CCDC39: variants seen among roughly 807,000 people sequenced by gnomAD.
CCDC39 encodes coiled-coil domain-containing protein 39.
Under a neutral mutation model 121.0 loss-of-function variants are expected in CCDC39, and 113 were observed. The observed-to-expected ratio is 0.93, with a 90% CI of 0.80 to 1.09. The LOEUF is 1.09. CCDC39 is among the 50% of genes least tolerant of loss of function. The probability of loss-of-function intolerance (pLI) is 0.00; values close to 1 mark genes in which losing one functional copy is unlikely to be tolerated. For missense variants in CCDC39, 1,063 were observed against 1,074.7 expected (o/e 0.99, Z 0.15); for synonymous variants, 349 against 352.2 (o/e 0.99, Z 0.10).
At chr3:180,666,477 T>G (rs988663585) in intron 1 of CCDC39, among the ~76,000 whole-genome samples, 4 of 152,198 alleles carry the variant, frequency 2.6e-5, no homozygotes, top group African/African-American at 9.6e-5. Flanking sequence ...ATTAATGAAA[T>G]AGCTCACTGT....
At chr3:180,644,004 G>C in intron 12 of CCDC39, 116 bp downstream of exon 12, 1 of 739,992 alleles carries the variant, frequency 1.4e-6, no homozygotes, top group East Asian at 2.9e-5. Flanking sequence ...TTTATATTGG[G>C]TATAGTGATT....
intron 14 of CCDC39, 127 bp from the exon 15 acceptor site, chr3:180,620,097 T>C (rs2108406747): frequency 1.6e-6 from 1 of 611,224 alleles, no homozygotes. Flanking sequence ...GGCCTACATA[T>C]GGCACCAAGC....
chr3:180,651,776 G>A (rs541160013), intron 8 of CCDC39, among the ~76,000 whole-genome samples: 10 of 152,200 alleles, frequency 6.6e-5, no homozygotes, highest in Middle Eastern at 6.8e-3. Context: ...GGTGGCTCAC[G>A]CCTGTAATCC....
chr3:180,631,409 GA>G, intron 14 of CCDC39, 59 bp downstream of exon 14: 1 of 1,418,856 alleles, frequency 7.0e-7, no homozygotes, highest in Non-Finnish European at 9.7e-7. Context: ...AGAGGATTAT[GA>G]TGAATGAGTT....
intron 2 of CCDC39, among the ~76,000 whole-genome samples, chr3:180,662,763 T>C (rs888687483): frequency 3.3e-5 from 5 of 152,194 alleles, no homozygotes; most frequent in African/African-American, 7.2e-5. Flanking sequence ...TCTGAGTTTG[T>C]TTTTAAGTTT....
Position 180,679,305 on chromosome 3 carries a change from G to A in CCDC39, c.76C>T (p.Leu26=). ...ATTGATCTCACCTGATCTTCCAGTA[G>A]CTTGTTCTCCTCGTTCGCCACCGGG... is the stretch of plus-strand genomic sequence containing the variant. The part of the protein sequence containing the change: ...AIPVANEENK[L]LEDQLSKLKD... Residue 26 remains leucine, a synonymous_variant, in exon 1 of 20, where the codon CTA becomes TTA. Coordinates refer to ENST00000476379, the MANE Select transcript of CCDC39 (RefSeq NM_181426.2). The surrounding 1 kb of genome is among the most constrained non-coding windows in gnomAD (Gnocchi z 4.0). 6.2e-7 allele frequency: 1 copy of A among 1,613,730 alleles called. No homozygotes were observed. Among genetic ancestry groups the A allele is most frequent in the East Asian group, 2.2e-5 (1 of 44,876 alleles).
rs147008481 is a variant in CCDC39 at position 180,655,623 on chromosome 3, G to A, written c.739-670C>T. ...ACATTTGAGTCAGGCTTACAAACATGAATGGGGTTGCATAAATACTCTAAT... is the reference window on the plus strand; with the variant it reads ...ACATTTGAGTCAGGCTTACAAACATAAATGGGGTTGCATAAATACTCTAAT... On this transcript the variant is annotated intron_variant, in intron 6 of 19. Transcript: ENST00000476379. Among the ~76,000 whole-genome samples, 235 of 152,152 alleles carry A rather than the reference G, an allele frequency of 1.5e-3. 2 individuals carry two copies. Among genetic ancestry groups the A allele is most frequent in the African/African-American group, 5.4e-3 (224 of 41,526 alleles).
At chr3:180,671,754 T>A (rs1056927470) in intron 1 of CCDC39, among the ~76,000 whole-genome samples, 4 of 152,180 alleles carry the variant, frequency 2.6e-5, no homozygotes, top group Non-Finnish European at 5.9e-5. Context: ...GAAGGGCCCT[T>A]AACTTTCTTC....
rs1268582693 is a variant in CCDC39, at chr3:180,631,638, A to G, written c.1875-46T>C. On this transcript the variant is annotated intron_variant, in intron 13 of 19. Coordinates refer to ENST00000476379, the MANE Select transcript of CCDC39 (RefSeq NM_181426.2). ...TGAGAAATGAATAACATACTTTACA[A>G]TTTTTAAAGGACTATCAAGTGTTCT... is the stretch of plus-strand genomic sequence containing the variant. 2.0e-6 allele frequency: 3 copies of G among 1,517,798 alleles called. No homozygotes were observed. In the African/African-American group the frequency reaches 4.2e-5, roughly 21 times the overall value. 94.0% of individuals were successfully genotyped at this position (1,517,798 alleles called of 1,614,324 possible).
chr3:180,638,369 A>G (rs1717879928), intron 13 of CCDC39, among the ~76,000 whole-genome samples: 1 of 152,200 alleles, frequency 6.6e-6, no homozygotes, highest in Non-Finnish European at 1.5e-5. Context: ...TGTATTAAAC[A>G]TGCAAGGACT....
At chr3:180,624,507 C>G (rs977961536) in intron 14 of CCDC39, among the ~76,000 whole-genome samples, 5 of 151,896 alleles carry the variant, frequency 3.3e-5, no homozygotes, top group Non-Finnish European at 7.4e-5. Context: ...GTGTGGTCGT[C>G]TGTGTTTTGG....
chr3:180,660,518 A>C (rs1240035424), intron 4 of CCDC39, 52 bp downstream of exon 4: 7 of 1,438,142 alleles, frequency 4.9e-6, no homozygotes, highest in Non-Finnish European at 6.5e-6. Flanking sequence ...AAATAGGTTG[A>C]CATACTACAG....
chr3:180,647,315 G>C (rs1307247939), intron 10 of CCDC39, 72 bp from the exon 11 acceptor site: 12 of 1,316,358 alleles, frequency 9.1e-6, no homozygotes, highest in Non-Finnish European at 1.2e-5. Context: ...AAAACAAAGT[G>C]AATACTTTCT....
intron 1 of CCDC39, among the ~76,000 whole-genome samples, chr3:180,665,508 T>C (rs767043478): frequency 6.6e-6 from 1 of 152,158 alleles, no homozygotes; most frequent in African/African-American, 2.4e-5. Context: ...GTATGTCCTA[T>C]ACTAATATTA....
In CCDC39 at chr3:180,679,462, G is replaced by A; in HGVS notation, c.-82C>T. 1 of 1,306,026 alleles carries A rather than the reference G, an allele frequency of 7.7e-7. No individual in the cohort carries two copies. Among genetic ancestry groups the A allele is most frequent in the Non-Finnish European group, 1.1e-6 (1 of 900,158 alleles). 80.9% of individuals were successfully genotyped at this position (1,306,026 alleles called of 1,614,324 possible). On this transcript the variant is annotated 5_prime_UTR_variant, in exon 1 of 20. Transcript: ENST00000476379. The surrounding 1 kb of genome is among the most constrained non-coding windows in gnomAD (Gnocchi z 4.0). ...TGAGCAGCACCCGCGTCAAGCCCAG[G>A]CACCTGCACAGTGCCGCGGCAATTG...
At chr3:180,649,022 T>C (rs746395713) in intron 9 of CCDC39, among the ~76,000 whole-genome samples, 1 of 151,996 alleles carries the variant, frequency 6.6e-6, no homozygotes, top group Non-Finnish European at 1.5e-5. Flanking sequence ...AAGTAATGAG[T>C]GCTGAGTATG....
intron 1 of CCDC39, among the ~76,000 whole-genome samples, chr3:180,677,628 A>G (rs1005569276): frequency 1.3e-5 from 2 of 152,112 alleles, no homozygotes; most frequent in African/African-American, 4.8e-5. Context: ...TGATCAAGTA[A>G]TATTTACCTG....
chr3:180,642,891 T>C (rs1447259543), intron 12 of CCDC39, among the ~76,000 whole-genome samples: 1 of 151,918 alleles, frequency 6.6e-6, no homozygotes, highest in Non-Finnish European at 1.5e-5. Context: ...AAAAAAGTTT[T>C]GTGTCACAAA....
chr3:180,646,868 G>A (rs544867915), intron 11 of CCDC39, among the ~76,000 whole-genome samples: 1 of 152,008 alleles, frequency 6.6e-6, no homozygotes, highest in Non-Finnish European at 1.5e-5. Context: ...AAATACTAGA[G>A]GCATGTCATA....
Sources: gnomAD v4.1 joint callset for allele counts (sites outside exome capture counted in the v4.1 genomes callset) on GRCh38, gnomAD v4.1.1 for gene constraint, Gnocchi (gnomAD v3.1) non-coding constraint, MANE v1.5 for transcripts, NCBI Gene and HGNC (gene_info 2026-07-23, HGNC 2026-07-21) for gene names.